NALF1: variants seen among roughly 807,000 people sequenced by gnomAD.
NALF1 encodes the protein family with sequence similarity 155 member A.
NALF1 carries 3 observed loss-of-function variants against 48.4 expected under a neutral mutation model. That is an observed-to-expected ratio of 0.06 (90% CI 0.03 to 0.16). The LOEUF (loss-of-function observed/expected upper bound fraction) is 0.16, where lower values mean the gene tolerates loss of function less well. NALF1 is among the 10% of genes least tolerant of loss of function. The pLI is 1.00. For synonymous variants in NALF1, 262 were observed against 245.7 expected (o/e 1.07, Z -0.62); for missense variants, 526 against 571.5 (o/e 0.92, Z 0.81).
intron 1 of NALF1, among the ~76,000 whole-genome samples, chr13:107,304,135 A>G (rs1342236708): frequency 6.6e-6 from 1 of 152,204 alleles, no homozygotes; most frequent in Non-Finnish European, 1.5e-5. Context: ...TTAATATTGT[A>G]GATCTACATT....
chr13:107,697,527 T>G (rs1881725600), intron 1 of NALF1, among the ~76,000 whole-genome samples: 1 of 152,182 alleles, frequency 6.6e-6, no homozygotes, highest in African/African-American at 2.4e-5. Flanking sequence ...TTTCCTACAT[T>G]AAGCATTTTT....
At chr13:107,306,132 A>C (rs1406696427) in intron 1 of NALF1, among the ~76,000 whole-genome samples, 1 of 152,190 alleles carries the variant, frequency 6.6e-6, no homozygotes, top group African/African-American at 2.4e-5. Context: ...TAGAACCATA[A>C]ATTTAAAATT....
intron 1 of NALF1, among the ~76,000 whole-genome samples, chr13:107,501,896 C>T (rs1368008083): frequency 1.3e-5 from 2 of 152,052 alleles, no homozygotes; most frequent in Non-Finnish European, 2.9e-5. Context: ...AAATGAAAAA[C>T]GATTTTTGTC....
Position 107,503,517 on chromosome 13 carries a change from C to G in NALF1, c.916-292762G>C, listed in dbSNP as rs973924101. On this transcript the variant is annotated intron_variant, in intron 1 of 2. Coordinates refer to ENST00000375915, the MANE Select transcript of NALF1 (RefSeq NM_001080396.3). ...CTGTTGGTGGGAACGTCAATTGGTA[C>G]AGTGATTATTAAAAAGAATATGGAG... is the stretch of plus-strand genomic sequence containing the variant. 6.6e-5 allele frequency among the ~76,000 whole-genome samples: 10 copies of G among 152,050 alleles called. No homozygotes were observed. In the East Asian group the frequency reaches 1.9e-3, roughly 29 times the overall value.
intron 1 of NALF1, among the ~76,000 whole-genome samples, chr13:107,608,922 C>T (rs1039691445): frequency 3.9e-5 from 6 of 152,162 alleles, no homozygotes; most frequent in Admixed American, 2.0e-4. Flanking sequence ...AGTGGGACAC[C>T]TGTGCTGGGC....
chr13:107,216,596 C>G (rs1409271415), intron 1 of NALF1, among the ~76,000 whole-genome samples: 1 of 152,162 alleles, frequency 6.6e-6, no homozygotes, highest in African/African-American at 2.4e-5. Flanking sequence ...CAAATGTCTT[C>G]CTGTTTTCTG....
At chr13:107,277,981 AATT>A (rs1348833111) in intron 1 of NALF1, among the ~76,000 whole-genome samples, 12 of 152,162 alleles carry the variant, frequency 7.9e-5, no homozygotes, top group African/African-American at 2.4e-4. Flanking sequence ...CTGCTTTAAT[AATT>A]AAGAGAAAAA....
Position 107,595,385 on chromosome 13 carries a change from T to G in NALF1, c.915+270297A>C, listed in dbSNP as rs77596368. 0.021 allele frequency among the ~76,000 whole-genome samples: 3,126 copies of G among 152,222 alleles called. 212 individuals carry two copies. The East Asian group carries it at 0.26, about 13-fold the overall frequency. ...CTCTTGTCCATAAATTTTAGTATAT[T>G]AAAATTGTTAAAAGAGAGTATCTCA... On this transcript the variant is annotated intron_variant, in intron 1 of 2. Coordinates refer to ENST00000375915, the MANE Select transcript of NALF1 (RefSeq NM_001080396.3).
At chr13:107,523,828 T>C (rs2139099195) in intron 1 of NALF1, among the ~76,000 whole-genome samples, 1 of 152,218 alleles carries the variant, frequency 6.6e-6, no homozygotes, top group Non-Finnish European at 1.5e-5. Flanking sequence ...AAATATGTGA[T>C]GAATCCAAAG....
intron 1 of NALF1, among the ~76,000 whole-genome samples, chr13:107,537,359 A>T (rs1237458912): frequency 6.6e-6 from 1 of 152,186 alleles, no homozygotes; most frequent in Non-Finnish European, 1.5e-5. Flanking sequence ...ATATTTGATT[A>T]ATATTTAGCT....
At chr13:107,856,903 T>C (rs182766391) in intron 1 of NALF1, among the ~76,000 whole-genome samples, 92 of 152,340 alleles carry the variant, frequency 6.0e-4, no homozygotes, top group African/African-American at 2.0e-3. Context: ...CTTGCTTTTG[T>C]AGGAGAGCAA....
At chr13:107,477,478 C>T (rs997788929) in intron 1 of NALF1, among the ~76,000 whole-genome samples, 3 of 152,088 alleles carry the variant, frequency 2.0e-5, no homozygotes, top group African/African-American at 4.8e-5. Flanking sequence ...TCTTAAATAA[C>T]TTGAGTCCAG....
intron 1 of NALF1, among the ~76,000 whole-genome samples, chr13:107,227,502 ATTC>A (rs1470844521): frequency 6.6e-6 from 1 of 152,244 alleles, no homozygotes; most frequent in Non-Finnish European, 1.5e-5. Flanking sequence ...CTGATCAAAT[ATTC>A]TTGATAACTG....
intron 1 of NALF1, among the ~76,000 whole-genome samples, chr13:107,861,740 G>A (rs1187043600): frequency 3.3e-5 from 5 of 152,196 alleles, no homozygotes; most frequent in East Asian, 1.9e-4. Flanking sequence ...CCAACATTGC[G>A]CCACTGCACT....
chr13:107,222,828 C>T (rs965908308), intron 1 of NALF1, among the ~76,000 whole-genome samples: 2 of 152,214 alleles, frequency 1.3e-5, no homozygotes, highest in Non-Finnish European at 2.9e-5. Context: ...ATGACTCAGC[C>T]ATTAGTGCCT....
chr13:107,310,353 C>T (rs572102528), intron 1 of NALF1, among the ~76,000 whole-genome samples: 85 of 148,288 alleles, frequency 5.7e-4, no homozygotes, highest in African/African-American at 2.0e-3. Context: ...GAGGTTACAG[C>T]GAGGCAAGAT....
chr13:107,737,394 G>T (rs1424229624), intron 1 of NALF1, among the ~76,000 whole-genome samples: 1 of 152,080 alleles, frequency 6.6e-6, no homozygotes, highest in Non-Finnish European at 1.5e-5. Flanking sequence ...CCTATTCACT[G>T]AATCCTAAAT....
chr13:107,204,646 T>G (rs1217262904), intron 2 of NALF1, among the ~76,000 whole-genome samples: 1 of 152,220 alleles, frequency 6.6e-6, no homozygotes, highest in Non-Finnish European at 1.5e-5. Flanking sequence ...GTACAATGTT[T>G]TAATGGAAGA....
intron 1 of NALF1, among the ~76,000 whole-genome samples, chr13:107,513,119 T>C (rs961415592): frequency 6.6e-5 from 10 of 152,182 alleles, no homozygotes; most frequent in African/African-American, 1.9e-4. Flanking sequence ...AAGGACTGCA[T>C]AAGGATTCGA....
Sources: allele counts gnomAD v4.1 joint callset (sites outside exome capture counted in the v4.1 genomes callset), GRCh38; gene constraint gnomAD v4.1.1; transcripts MANE v1.5; gene names NCBI Gene and HGNC (gene_info 2026-07-23, HGNC 2026-07-21).